Variants in CRACD observed in about 807,000 individuals in gnomAD.
CRACD encodes the protein capping protein-inhibiting regulator of actin dynamics.
A neutral mutation model predicts 106.8 loss-of-function variants in CRACD; 56 were observed. That is an observed-to-expected ratio of 0.52 (90% confidence interval 0.42 to 0.66). The LOEUF (loss-of-function observed/expected upper bound fraction) is 0.66, where lower values mean the gene tolerates loss of function less well. Ranked by LOEUF, CRACD falls within the 30% of genes least tolerant of loss-of-function variation. The pLI is 0.00. For synonymous variants in CRACD, 754 were observed against 670.8 expected, an observed-to-expected ratio of 1.12 and a Z score of -1.92; for missense variants, 1,730 against 1,623.2, an observed-to-expected ratio of 1.07 and a Z score of -1.13.
intron 2 of CRACD, among the ~76,000 whole-genome samples, chr4:56,201,837 T>C (rs1406546618): frequency 2.0e-5 from 3 of 152,194 alleles, no homozygotes; most frequent in African/African-American, 7.2e-5. Context: ...AGATTCAACA[T>C]CTCTAGTCTC....
At chr4:56,114,841 T>C (rs1201121291) in intron 1 of CRACD, among the ~76,000 whole-genome samples, 1 of 152,186 alleles carries the variant, frequency 6.6e-6, no homozygotes, top group Non-Finnish European at 1.5e-5. Context: ...TGTCACAATA[T>C]AAAATATTTC....
intron 2 of CRACD, among the ~76,000 whole-genome samples, chr4:56,260,602 C>T (rs928933958): frequency 1.3e-5 from 2 of 152,022 alleles, no homozygotes; most frequent in African/African-American, 4.8e-5. Context: ...TAATGAAAGT[C>T]CACAGTCAGT....
intron 1 of CRACD, among the ~76,000 whole-genome samples, chr4:56,176,427 A>ATT: frequency 4.5e-5 from 4 of 89,098 alleles, no homozygotes; most frequent in Non-Finnish European, 7.0e-5. Context: ...TATCCTTCCA[A>ATT]TTTCTTTTTT....
In CRACD at chr4:56,246,875, T is replaced by A. The variant is rs181642079; in HGVS notation, c.-188-25446T>A. On this transcript the variant is annotated intron_variant, in intron 2 of 10. Transcript: ENST00000682029. ...TTCTAAGACAGTGAATCCCCCAACA[T>A]TGTTATTATTAGTAGTACTTAGGCA... Among the ~76,000 whole-genome samples the A allele has an allele frequency of 7.2e-4, 109 of 152,242 alleles. 1 individual carries two copies. The highest frequency in any genetic ancestry group is 2.5e-3 in the African/African-American group (104 of 41,544).
chr4:56,125,992 G>A (rs182615154), intron 1 of CRACD, among the ~76,000 whole-genome samples: 3 of 151,812 alleles, frequency 2.0e-5, no homozygotes, highest in Admixed American at 6.6e-5. Flanking sequence ...GGCTGGTCTC[G>A]AACTCCTGAA....
chr4:56,146,008 C>G (rs1162850606), intron 1 of CRACD, among the ~76,000 whole-genome samples: 1 of 152,094 alleles, frequency 6.6e-6, no homozygotes, highest in African/African-American at 2.4e-5. Context: ...TCATCAGCAG[C>G]TTCAAGGTTG....
chr4:56,098,352 A>AT lies in CRACD; in HGVS notation c.-336+49059dup, dbSNP rs564071082. 6.6e-5 allele frequency among the ~76,000 whole-genome samples: 10 copies of AT among 152,296 alleles called. No homozygotes were observed. The South Asian group carries it at 2.1e-3, about 32-fold the overall frequency. On this transcript the variant is annotated intron_variant, in intron 1 of 10. Coordinates refer to ENST00000682029, the MANE Select transcript of CRACD (RefSeq NM_001393381.1). Reference sequence around the variant, plus strand: ...GTGTTTTCATATATGAAATTTTGAAATTTTTTGAAGGTTTTATTTTCATAT... The same window carrying AT: ...GTGTTTTCATATATGAAATTTTGAAATTTTTTTGAAGGTTTTATTTTCATAT...
chr4:56,118,944 A>G lies in CRACD; in HGVS notation c.-335-60340A>G, dbSNP rs147520639. 2.4e-4 allele frequency among the ~76,000 whole-genome samples: 36 copies of G among 152,306 alleles called. 1 individual carries two copies. The highest frequency in any genetic ancestry group is 8.4e-4 in the African/African-American group (35 of 41,560). ...GGATAATTTTTTACTTACATCAACA[A>G]AATACTCCTTATATGGGCCATCCAT... is the stretch of plus-strand genomic sequence containing the variant. On this transcript the variant is annotated intron_variant, in intron 1 of 10. Transcript: ENST00000682029.
At chr4:56,099,427 C>T (rs1333602377) in intron 1 of CRACD, among the ~76,000 whole-genome samples, 1 of 152,172 alleles carries the variant, frequency 6.6e-6, no homozygotes, top group Non-Finnish European at 1.5e-5. Flanking sequence ...GCCAAAACCA[C>T]AATTTCCCCA....
chr4:56,307,508 G>T (rs755150224), intron 4 of CRACD, 27 bp from the exon 5 acceptor site: 4 of 1,612,516 alleles, frequency 2.5e-6, no homozygotes, highest in Non-Finnish European at 3.4e-6. Context: ...CACTGCTTCA[G>T]AATGTCTTTC....
At position 56,222,586 on chromosome 4, in the gene CRACD, A is replaced by G. The variant is rs530426519; in HGVS notation, c.-189+43156A>G. 3.9e-5 allele frequency among the ~76,000 whole-genome samples: 6 copies of G among 152,280 alleles called. No individual in the cohort carries two copies. The South Asian group carries it at 1.2e-3, about 32-fold the overall frequency. ...AGGTAAATAAAAATAAATTTAAAAG[A>G]ATTCACTTTATGCCTTTTTTAACTT... On this transcript the variant is annotated intron_variant, in intron 2 of 10. Transcript: ENST00000682029.
intron 1 of CRACD, among the ~76,000 whole-genome samples, chr4:56,154,199 C>T (rs1332362023): frequency 2.0e-5 from 3 of 152,078 alleles, no homozygotes; most frequent in Non-Finnish European, 2.9e-5. Context: ...GGCATGGTGG[C>T]GCATGCCTGT....
intron 1 of CRACD, among the ~76,000 whole-genome samples, chr4:56,103,999 C>T (rs145757679): frequency 0.075 from 11,488 of 152,288 alleles, 622 homozygotes; most frequent in Middle Eastern, 0.19. Context: ...GTCTCAAACT[C>T]CTGACCTCAG....
chr4:56,108,333 AT>A (rs1734013132), intron 1 of CRACD, among the ~76,000 whole-genome samples: 1 of 152,146 alleles, frequency 6.6e-6, no homozygotes, highest in Admixed American at 6.5e-5. Context: ...CTTCTCTGGT[AT>A]TTTCCCCAAA....
intron 4 of CRACD, among the ~76,000 whole-genome samples, chr4:56,298,640 G>T (rs953558150): frequency 6.6e-6 from 1 of 152,252 alleles, no homozygotes; most frequent in South Asian, 2.1e-4. Context: ...AAGAGAAGCT[G>T]CAGGACTTGG....
At chr4:56,303,243 G>A (rs562057396) in intron 4 of CRACD, among the ~76,000 whole-genome samples, 18 of 152,160 alleles carry the variant, frequency 1.2e-4, no homozygotes, top group Non-Finnish European at 1.5e-5. Context: ...TACTCGGGAG[G>A]CTGAGGCAGG....
chr4:56,126,037 G>A (rs1577679522), intron 1 of CRACD, among the ~76,000 whole-genome samples: 2 of 152,092 alleles, frequency 1.3e-5, no homozygotes, highest in East Asian at 3.8e-4. Flanking sequence ...CTCCCAAAAT[G>A]CTGAGTGGCA....
At chr4:56,183,192 C>G (rs938203697) in intron 2 of CRACD, among the ~76,000 whole-genome samples, 1 of 145,370 alleles carries the variant, frequency 6.9e-6, no homozygotes, top group African/African-American at 2.6e-5. Flanking sequence ...AAGATTGCGC[C>G]GTTGCACTCC....
chr4:56,294,913 C>CAAAAAAAAAAAAAAAAA (rs56200534), intron 3 of CRACD, among the ~76,000 whole-genome samples: 3 of 72,166 alleles, frequency 4.2e-5, no homozygotes, highest in Non-Finnish European at 7.4e-5. Flanking sequence ...GACCTTGTCT[C>CAAAAAAAAAAAAAAAAA]AAAAAAAAAA....
Sources: allele counts gnomAD v4.1 joint callset (sites outside exome capture counted in the v4.1 genomes callset), GRCh38; gene constraint gnomAD v4.1.1; transcripts MANE v1.5; gene names NCBI Gene and HGNC (gene_info 2026-07-23, HGNC 2026-07-21).